FBXO42: variants seen among roughly 807,000 people sequenced by gnomAD.
The protein encoded by FBXO42 is F-box only protein 42.
In FBXO42, 12 loss-of-function variants were observed where a neutral mutation model predicts 71.7. That is an observed-to-expected ratio of 0.17 (90% CI 0.11 to 0.27). The LOEUF (loss-of-function observed/expected upper bound fraction) is 0.27, where lower values mean the gene tolerates loss of function less well. Ranked by LOEUF, FBXO42 falls within the 10% of genes least tolerant of loss-of-function variation. The probability of loss-of-function intolerance (pLI) is 1.00; values close to 1 mark genes in which losing one functional copy is unlikely to be tolerated. For missense variants in FBXO42, 707 were observed against 911.9 expected (o/e 0.78, Z 2.89); for synonymous variants, 325 against 327.5 (o/e 0.99, Z 0.08).
intron 3 of FBXO42, among the ~76,000 whole-genome samples, chr1:16,301,348 C>T (rs2082191796): frequency 6.6e-6 from 1 of 152,058 alleles, no homozygotes; most frequent in African/African-American, 2.4e-5. Context: ...TAGATATCAA[C>T]TATGAACAAG....
At chr1:16,337,299 A>G (rs1288455060) in intron 1 of FBXO42, among the ~76,000 whole-genome samples, 1 of 152,148 alleles carries the variant, frequency 6.6e-6, no homozygotes, top group Non-Finnish European at 1.5e-5. Flanking sequence ...CAAGGTCTTC[A>G]GTAACCATTA....
intron 1 of FBXO42, among the ~76,000 whole-genome samples, chr1:16,335,063 C>CA (rs55983316): frequency 0.084 from 5,771 of 68,914 alleles, 963 homozygotes; most frequent in African/African-American, 0.22. Flanking sequence ...CTCGTCTGTA[C>CA]AAAAAAAAAA....
chr1:16,278,787 T>C (rs1374104793), intron 4 of FBXO42, among the ~76,000 whole-genome samples: 1 of 152,206 alleles, frequency 6.6e-6, no homozygotes, highest in African/African-American at 2.4e-5. Flanking sequence ...TTCTTTTTTT[T>C]TGAGACGGAG....
chr1:16,313,653 T>C (rs768799876), intron 2 of FBXO42, among the ~76,000 whole-genome samples: 5 of 152,212 alleles, frequency 3.3e-5, no homozygotes, highest in Non-Finnish European at 4.4e-5. Context: ...TAGGTGGACT[T>C]TGGGAGTTGA....
At chr1:16,324,575 T>C (rs1208715702) in intron 1 of FBXO42, among the ~76,000 whole-genome samples, 1 of 152,178 alleles carries the variant, frequency 6.6e-6, no homozygotes, top group Non-Finnish European at 1.5e-5. Flanking sequence ...CCAAGCACTT[T>C]GGGAAGCCAA....
chr1:16,259,793 A>G (rs1428586677), intron 4 of FBXO42, among the ~76,000 whole-genome samples: 1 of 151,898 alleles, frequency 6.6e-6, no homozygotes. Flanking sequence ...AAGAAAGAAA[A>G]AAAAGAAAGA....
chr1:16,323,131 G>T (rs1183056659), intron 1 of FBXO42, among the ~76,000 whole-genome samples: 2 of 152,192 alleles, frequency 1.3e-5, no homozygotes, highest in African/African-American at 4.8e-5. Flanking sequence ...GTTAAAAAAT[G>T]TAATTGGCCA....
intron 2 of FBXO42, among the ~76,000 whole-genome samples, chr1:16,312,687 T>C (rs922951380): frequency 6.6e-6 from 1 of 152,142 alleles, no homozygotes; most frequent in African/African-American, 2.4e-5. Context: ...AATGTTTCAG[T>C]ATAGGTTCAT....
intron 4 of FBXO42, among the ~76,000 whole-genome samples, chr1:16,264,002 G>C (rs1179989594): frequency 2.0e-5 from 3 of 151,928 alleles, no homozygotes; most frequent in Non-Finnish European, 2.9e-5. Context: ...GTAGAGACGA[G>C]GTTTCACCAT....
chr1:16,277,795 C>A (rs12754842), intron 4 of FBXO42, among the ~76,000 whole-genome samples: 1 of 150,968 alleles, frequency 6.6e-6, no homozygotes, highest in Non-Finnish European at 1.5e-5. Flanking sequence ...AATCCCAGCA[C>A]TTTCGGAGGA....
intron 1 of FBXO42, among the ~76,000 whole-genome samples, chr1:16,340,669 T>G (rs2082595765): frequency 6.6e-6 from 1 of 152,178 alleles, no homozygotes; most frequent in Non-Finnish European, 1.5e-5. Context: ...AAGTTACTTC[T>G]AAAACTTAAC....
intron 4 of FBXO42, among the ~76,000 whole-genome samples, chr1:16,277,806 T>A (rs1352655310): frequency 7.0e-6 from 1 of 143,178 alleles, no homozygotes; most frequent in African/African-American, 2.6e-5. Context: ...TTTCGGAGGA[T>A]GAGGCAGGAG....
intron 3 of FBXO42, among the ~76,000 whole-genome samples, chr1:16,303,868 C>G (rs921081813): frequency 6.6e-6 from 1 of 152,142 alleles, no homozygotes; most frequent in East Asian, 1.9e-4. Flanking sequence ...GCTTCAGCCT[C>G]CCCAGTAGCT....
chr1:16,271,672 G>A (rs2081847156), intron 4 of FBXO42, among the ~76,000 whole-genome samples: 1 of 151,994 alleles, frequency 6.6e-6, no homozygotes, highest in Non-Finnish European at 1.5e-5. Flanking sequence ...CCATGAACAT[G>A]CCAAACTCTC....
At chr1:16,304,519 T>C (rs1460695633) in intron 3 of FBXO42, among the ~76,000 whole-genome samples, 3 of 152,058 alleles carry the variant, frequency 2.0e-5, no homozygotes, top group Admixed American at 2.0e-4. Context: ...TAAATAGCCA[T>C]TATATGACCT....
intron 4 of FBXO42, among the ~76,000 whole-genome samples, chr1:16,281,000 T>C (rs1244915460): frequency 6.6e-6 from 1 of 152,188 alleles, no homozygotes; most frequent in East Asian, 1.9e-4. Flanking sequence ...TCACTGTTGT[T>C]GCCCAGGCTG....
At chr1:16,255,293 T>C (rs887681011) in intron 6 of FBXO42, among the ~76,000 whole-genome samples, 1 of 152,060 alleles carries the variant, frequency 6.6e-6, no homozygotes, top group African/African-American at 2.4e-5. Flanking sequence ...AGATAACTAA[T>C]TGGATTAATT....
At chr1:16,331,100 C>T (rs943944978) in intron 1 of FBXO42, among the ~76,000 whole-genome samples, 3 of 151,178 alleles carry the variant, frequency 2.0e-5, no homozygotes, top group South Asian at 2.1e-4. Flanking sequence ...GGCCTAGTGA[C>T]GGAGTGAAAC....
At chr1:16,272,449 G>A (rs187337794) in intron 4 of FBXO42, among the ~76,000 whole-genome samples, 60 of 152,096 alleles carry the variant, frequency 3.9e-4, no homozygotes, top group Admixed American at 9.2e-4. Flanking sequence ...AGTAGAGACC[G>A]GGTTTCACCA....
Sources: gnomAD v4.1 joint callset for allele counts (sites outside exome capture counted in the v4.1 genomes callset) on GRCh38, gnomAD v4.1.1 for gene constraint, MANE v1.5 for transcripts, NCBI Gene and HGNC (gene_info 2026-07-23, HGNC 2026-07-21) for gene names.